SMOC2: variants seen among roughly 807,000 people sequenced by gnomAD.
SMOC2 encodes the protein SPARC related modular calcium binding 2, also known as SPARC-related modular calcium-binding protein 2.
Under a neutral mutation model 61.4 loss-of-function variants are expected in SMOC2, and 39 were observed. The observed-to-expected ratio is 0.64, with a 90% CI of 0.49 to 0.83. SMOC2 has a LOEUF of 0.83. SMOC2 is among the 40% of genes least tolerant of loss of function. The probability of loss-of-function intolerance (pLI) is 0.00; values close to 1 mark genes in which losing one functional copy is unlikely to be tolerated. For missense variants in SMOC2, 556 were observed against 592.9 expected, an observed-to-expected ratio of 0.94 and a Z score of 0.65; for synonymous variants, 247 against 239.9, an observed-to-expected ratio of 1.03 and a Z score of -0.27.
intron 3 of SMOC2, among the ~76,000 whole-genome samples, chr6:168,527,280 C>T (rs1312828057): frequency 6.6e-6 from 1 of 152,138 alleles, no homozygotes; most frequent in East Asian, 1.9e-4. Context: ...TCTCCTGGCT[C>T]TACAGTGGGG....
Position 168,544,603 on chromosome 6 carries a change from A to T in SMOC2, c.511+931A>T, listed in dbSNP as rs756476225. On this transcript the variant is annotated intron_variant, in intron 5 of 12. Coordinates refer to ENST00000356284, the MANE Select transcript of SMOC2 (RefSeq NM_001166412.2). The surrounding 1 kb of genome is among the most constrained non-coding windows in gnomAD (Gnocchi z 4.1). ...CAGGAGAATTGCTTGAGCCCAGGAG[A>T]TGGAGGTTGCAGTGAGCCGAGATCA... Among the ~76,000 whole-genome samples the T allele has an allele frequency of 6.6e-6, 1 of 152,054 alleles. No individual in the cohort carries two copies. Among genetic ancestry groups the T allele is most frequent in the South Asian group, 2.1e-4 (1 of 4,818 alleles).
At chr6:168,513,976 C>T (rs527615940) in intron 2 of SMOC2, among the ~76,000 whole-genome samples, 3 of 152,018 alleles carry the variant, frequency 2.0e-5, no homozygotes, top group South Asian at 4.2e-4. Flanking sequence ...TGGGGCCCTC[C>T]GGGGTGGCAG....
chr6:168,617,918 G>A (rs971623132), intron 9 of SMOC2, among the ~76,000 whole-genome samples: 8 of 152,256 alleles, frequency 5.3e-5, no homozygotes, highest in African/African-American at 1.9e-4. Context: ...TCGCTGAGGG[G>A]CCATGCCTCC....
chr6:168,519,870 C>G (rs1783287357), intron 2 of SMOC2, among the ~76,000 whole-genome samples: 1 of 152,188 alleles, frequency 6.6e-6, no homozygotes, highest in South Asian at 2.1e-4. Context: ...TATAGTCTTG[C>G]AATGGTTTGC....
chr6:168,641,788 C>A (rs2115262023), intron 9 of SMOC2, among the ~76,000 whole-genome samples: 1 of 152,326 alleles, frequency 6.6e-6, no homozygotes, highest in South Asian at 2.1e-4. Context: ...CTTCCTAATT[C>A]TTTTCAGGCA....
At chr6:168,448,704 C>T (rs1292805078) in intron 1 of SMOC2, among the ~76,000 whole-genome samples, 2 of 152,142 alleles carry the variant, frequency 1.3e-5, no homozygotes, top group African/African-American at 4.8e-5. Flanking sequence ...ACATCTTTTG[C>T]TAAACTCCCT....
chr6:168,454,293 C>T (rs932747375), intron 1 of SMOC2, among the ~76,000 whole-genome samples: 7 of 152,110 alleles, frequency 4.6e-5, no homozygotes, highest in Non-Finnish European at 1.0e-4. Context: ...GCTGAGGCAT[C>T]GCTGAAGTGT....
intron 7 of SMOC2, among the ~76,000 whole-genome samples, chr6:168,556,664 A>AACATG (rs1159930220): frequency 6.6e-6 from 1 of 151,646 alleles, no homozygotes; most frequent in African/African-American, 2.4e-5. Context: ...TTACATATGT[A>AACATG]TACATGTGCC....
chr6:168,623,411 A>G (rs986064664), intron 9 of SMOC2, among the ~76,000 whole-genome samples: 7 of 148,198 alleles, frequency 4.7e-5, no homozygotes, highest in Admixed American at 2.7e-4. Flanking sequence ...GCTCACTGCA[A>G]CCTTCCCGGG....
rs138884517 is a variant in SMOC2 at position 168,488,207 on chromosome 6, C to G, written c.85-21708C>G. Among the ~76,000 whole-genome samples the G allele has an allele frequency of 2.7e-3, 409 of 152,338 alleles. 3 individuals are homozygous for G. The highest frequency in any genetic ancestry group is 9.5e-3 in the African/African-American group (394 of 41,570). Reference sequence around the variant, plus strand: ...TAAAATCCCACTGGTCTCCTCTGGCCCCTGGTGCCTCCGGCACTCCTTGGC... The same window carrying G: ...TAAAATCCCACTGGTCTCCTCTGGCGCCTGGTGCCTCCGGCACTCCTTGGC... On this transcript the variant is annotated intron_variant, in intron 1 of 12. Coordinates refer to ENST00000356284, the MANE Select transcript of SMOC2 (RefSeq NM_001166412.2).
chr6:168,479,845 G>T (rs1398938904), intron 1 of SMOC2, among the ~76,000 whole-genome samples: 2 of 152,196 alleles, frequency 1.3e-5, no homozygotes, highest in Non-Finnish European at 2.9e-5. Context: ...ACCAGCAGAA[G>T]TGACTTCCAA....
chr6:168,644,671 A>T (rs542750441), intron 9 of SMOC2, among the ~76,000 whole-genome samples: 3 of 126,670 alleles, frequency 2.4e-5, no homozygotes, highest in South Asian at 2.5e-4. Flanking sequence ...TTTTTTTGAG[A>T]CAGAGTCTCG....
At chr6:168,537,660 C>G (rs1198731567) in intron 4 of SMOC2, among the ~76,000 whole-genome samples, 1 of 152,240 alleles carries the variant, frequency 6.6e-6, no homozygotes, top group Non-Finnish European at 1.5e-5. Flanking sequence ...GCCTGGAGCC[C>G]CTAAGAACAC....
intron 7 of SMOC2, among the ~76,000 whole-genome samples, chr6:168,557,036 A>G (rs1375965592): frequency 2.6e-5 from 4 of 152,172 alleles, no homozygotes; most frequent in African/African-American, 9.6e-5. Flanking sequence ...AATTTTTGTT[A>G]TATCGGACAT....
At chr6:168,460,924 G>T (rs1320930183) in intron 1 of SMOC2, among the ~76,000 whole-genome samples, 1 of 152,156 alleles carries the variant, frequency 6.6e-6, no homozygotes, top group African/African-American at 2.4e-5. Context: ...GTGAGGGAGG[G>T]CTACAGGAAA....
At chr6:168,511,419 C>T (rs1260137507) in intron 2 of SMOC2, among the ~76,000 whole-genome samples, 1 of 152,142 alleles carries the variant, frequency 6.6e-6, no homozygotes, top group African/African-American at 2.4e-5. Flanking sequence ...ACTATAAAAC[C>T]ATCAGATCTC....
At chr6:168,598,289 G>C (rs960199205) in intron 7 of SMOC2, among the ~76,000 whole-genome samples, 5 of 152,230 alleles carry the variant, frequency 3.3e-5, no homozygotes, top group African/African-American at 9.6e-5. Flanking sequence ...CCCCTCGTTT[G>C]GGGGTGGGGG....
chr6:168,499,936 A>G (rs73272972), intron 1 of SMOC2, among the ~76,000 whole-genome samples: 2,366 of 152,272 alleles, frequency 0.016, 56 homozygotes, highest in African/African-American at 0.054. Context: ...AAAGGTACTA[A>G]TGCAGTAAAG....
At chr6:168,446,581 A>G (rs1781338274) in intron 1 of SMOC2, among the ~76,000 whole-genome samples, 2 of 152,238 alleles carry the variant, frequency 1.3e-5, no homozygotes, top group Admixed American at 1.3e-4. Flanking sequence ...AACAGTTAAT[A>G]TATTGGATAT....
Sources: gnomAD v4.1 joint callset for allele counts (sites outside exome capture counted in the v4.1 genomes callset) on GRCh38, gnomAD v4.1.1 for gene constraint, Gnocchi (gnomAD v3.1) non-coding constraint, MANE v1.5 for transcripts, NCBI Gene and HGNC (gene_info 2026-07-23, HGNC 2026-07-21) for gene names.